CPLANE1: variants seen among roughly 807,000 people sequenced by gnomAD.
The protein encoded by CPLANE1 is ciliogenesis and planar polarity effector complex subunit 1.
A neutral mutation model predicts 362.5 loss-of-function variants in CPLANE1; 263 were observed. The ratio of observed to expected loss-of-function variants is 0.73; its 90% CI spans 0.66 to 0.80. The LOEUF (loss-of-function observed/expected upper bound fraction) is 0.80, where lower values mean the gene tolerates loss of function less well. CPLANE1 is among the 30% of genes least tolerant of loss of function. The pLI, the probability that CPLANE1 is intolerant of heterozygous loss-of-function variation, is 0.00. For synonymous variants in CPLANE1, 1,212 were observed against 1,302.6 expected, an observed-to-expected ratio of 0.93 and a Z score of 1.50; for missense variants, 3,461 against 3,793.4, an observed-to-expected ratio of 0.91 and a Z score of 2.30.
Position 37,239,736 on chromosome 5 carries a change from T to C in CPLANE1, c.811A>G (p.Thr271Ala), listed in dbSNP as rs1227513348. ...ACCTTGGGGTCTTTCTGATTAAGAG[T>C]TACTGCCAGGGTAAGGCCATCTCTT... ...FSRDGLTLAV[T>A]LNQKDPKATQ... Residue 271 changes from threonine (T) to alanine (A), a missense_variant, in exon 7 of 53, where the codon ACT becomes GCT. By Grantham distance (58) the Thr-to-Ala change is moderately conservative. Coordinates refer to ENST00000651892, the MANE Select transcript of CPLANE1 (RefSeq NM_001384732.1). 6.5e-7 allele frequency: 1 copy of C among 1,533,716 alleles called. No individual in the cohort carries two copies.
rs560421140 is a variant in CPLANE1 at position 37,118,400 on chromosome 5, C to CAA, written c.9310+1814_9310+1815dup. Among the ~76,000 whole-genome samples, 227 of 89,198 alleles carry CAA rather than the reference C, an allele frequency of 2.5e-3. 1 individual carries two copies. The highest frequency in any genetic ancestry group is 0.018 in the Middle Eastern group (3 of 164). The allele number at this position is 89,198 out of a possible 152,430, so 58.5% of individuals were successfully genotyped here. ...CCAGACTGGGCAACACACTGTGTCT[C>CAA]AAAAAAAAAAAAAAAAAGGCCAAGA... On this transcript the variant is annotated intron_variant, in intron 50 of 52. Coordinates refer to ENST00000651892, the MANE Select transcript of CPLANE1 (RefSeq NM_001384732.1).
At chr5:37,142,606 AT>A in intron 43 of CPLANE1, 126 bp from the exon 44 acceptor site, 1 of 569,646 alleles carries the variant, frequency 1.8e-6, no homozygotes, top group Non-Finnish European at 3.0e-6. Flanking sequence ...TATTATGCTA[AT>A]AGCTTTCTAC....
At chr5:37,146,754 T>C (rs1771739353) in intron 43 of CPLANE1, among the ~76,000 whole-genome samples, 1 of 152,180 alleles carries the variant, frequency 6.6e-6, no homozygotes, top group Admixed American at 6.5e-5. Context: ...AAGTTTGTTG[T>C]TGAGTATATG....
At chr5:37,213,785 T>C (rs1303293144) in intron 15 of CPLANE1, 53 bp from the exon 16 acceptor site, 1 of 1,321,932 alleles carries the variant, frequency 7.6e-7, no homozygotes, top group Non-Finnish European at 9.9e-7. Flanking sequence ...CCAAAAGTAA[T>C]AATATTTAAG....
chr5:37,085,274 C>T, the CPLANE1 span: 1 of 903,568 alleles, frequency 1.1e-6, no homozygotes. Flanking sequence ...AGGTTGATGG[C>T]AAGGTACGAA....
intron 6 of CPLANE1, among the ~76,000 whole-genome samples, chr5:37,241,361 AG>A (rs1311585453): frequency 1.3e-5 from 2 of 152,150 alleles, no homozygotes; most frequent in African/African-American, 4.8e-5. Flanking sequence ...AGGCTGAGAC[AG>A]GAGAATCGCT....
chr5:37,080,707 C>T, the CPLANE1 span, among the ~76,000 whole-genome samples: 1 of 152,164 alleles, frequency 6.6e-6, no homozygotes, highest in Non-Finnish European at 1.5e-5. Flanking sequence ...GCTGGAGTCC[C>T]AGCCCAGCTA....
rs1310955804 is a variant in CPLANE1, at chr5:37,164,187, T to C, written c.7588+86A>G. The C allele has an allele frequency of 5.9e-6, 6 of 1,012,588 alleles. 1 individual carries two copies. The highest frequency in any genetic ancestry group is 9.2e-6 in the Non-Finnish European group (6 of 649,026). The allele number at this position is 1,012,588 out of a possible 1,614,324, so 62.7% of individuals were successfully genotyped here. ...GTAGTCAGCTGGGCAGAAATGTAGG[T>C]AGCCTCATTTTCATATTGTACATAT... On this transcript the variant is annotated intron_variant, in intron 37 of 52. Coordinates refer to ENST00000651892, the MANE Select transcript of CPLANE1 (RefSeq NM_001384732.1).
chr5:37,176,834 C>CT (rs1227085271), intron 30 of CPLANE1, among the ~76,000 whole-genome samples: 1 of 151,318 alleles, frequency 6.6e-6, no homozygotes, highest in African/African-American at 2.4e-5. Flanking sequence ...TCTCGGCTCA[C>CT]TGCAAGCTCC....
intron 5 of CPLANE1, 119 bp downstream of exon 5, chr5:37,244,255 CT>C (rs1401278042): frequency 3.3e-6 from 2 of 601,944 alleles, no homozygotes; most frequent in Non-Finnish European, 5.3e-6. Flanking sequence ...ATAAAAATAT[CT>C]TTTCCATACA....
At chr5:37,239,618 A>G in intron 7 of CPLANE1, 95 bp downstream of exon 7, 2 of 837,822 alleles carry the variant, frequency 2.4e-6, no homozygotes, top group Non-Finnish European at 3.3e-6. Flanking sequence ...GAAAAAAAAA[A>G]TGGATATAAA....
chr5:37,249,084 G>A (rs1740846425), intron 1 of CPLANE1, among the ~76,000 whole-genome samples, 161 bp downstream of exon 1: 1 of 152,228 alleles, frequency 6.6e-6, no homozygotes, highest in Admixed American at 6.5e-5. Flanking sequence ...ACTGGGTAGT[G>A]GGGATGTACC....
At chr5:37,121,544 C>T (rs1304766719) in intron 49 of CPLANE1, 73 bp downstream of exon 49, 1 of 1,398,702 alleles carries the variant, frequency 7.1e-7, no homozygotes, top group East Asian at 2.3e-5. Flanking sequence ...GAACTTAGGT[C>T]ACGAAAGTGC....
intron 32 of CPLANE1, among the ~76,000 whole-genome samples, chr5:37,172,811 C>T (rs1269240283): frequency 6.6e-6 from 1 of 152,132 alleles, no homozygotes; most frequent in African/African-American, 2.4e-5. Context: ...CATGGCGAAA[C>T]TCCATCTTTA....
At position 37,245,507 on chromosome 5, in the gene CPLANE1, C is replaced by T; in HGVS notation, c.309G>A (p.Lys103=). 2.0e-6 allele frequency: 3 copies of T among 1,502,726 alleles called. No individual in the cohort carries two copies. The highest frequency in any genetic ancestry group is 2.8e-5 in the African/African-American group (2 of 71,444). The allele number at this position is 1,502,726 out of a possible 1,614,324, so 93.1% of individuals were successfully genotyped here. A position where few individuals can be genotyped will look rare whatever the true frequency, so the allele number is the denominator to read the frequency against. The change falls in exon 4 of 53, where the codon AAG becomes AAA. Residue 103 remains lysine, a synonymous_variant. Transcript: ENST00000651892. ...CTGTAGCTTTGATCATTTCCTTAGG[C>T]TTTTCAGTTATTGGTATAGTTTTCA... ...DCLKTIPITE[K]PKEMIKATVA...
chr5:37,165,586 T>C lies in CPLANE1; in HGVS notation c.7486A>G (p.Asn2496Asp), dbSNP rs772150231. ...GAATCATCATTATTAATTATGGAAT[T>C]CTCTGGTCGAAAAGTCACATTTGGT... Reference protein sequence around the residue: ...RKPNVTFRPENSIINNDDSEI... With the variant: ...RKPNVTFRPEDSIINNDDSEI... Residue 2496 changes from asparagine (N) to aspartate (D), a missense_variant, in exon 36 of 53, where the codon AAT (asparagine) becomes GAT (aspartate). Asn to Asp is a conservative substitution (Grantham distance 23). Transcript: ENST00000651892. 6.2e-7 allele frequency: 1 copy of C among 1,610,262 alleles called. No individual in the cohort carries two copies. The highest frequency in any genetic ancestry group is 1.1e-5 in the South Asian group (1 of 89,716).
At chr5:37,086,498 C>G in the CPLANE1 span, among the ~76,000 whole-genome samples, 3 of 152,184 alleles carry the variant, frequency 2.0e-5, no homozygotes, top group Non-Finnish European at 2.9e-5. Flanking sequence ...CTGAAGGCAG[C>G]CTAATCCTCT....
At chr5:37,112,046 G>A (rs576215324) in intron 51 of CPLANE1, among the ~76,000 whole-genome samples, 3 of 152,264 alleles carry the variant, frequency 2.0e-5, no homozygotes, top group South Asian at 2.1e-4. Context: ...AAGTATTCAC[G>A]ATATGACTAG....
At chr5:37,127,675 C>T (rs1220415702) in intron 46 of CPLANE1, among the ~76,000 whole-genome samples, 4 of 151,738 alleles carry the variant, frequency 2.6e-5, no homozygotes, top group East Asian at 1.9e-4. Context: ...TGCACCACCA[C>T]GCCCGGCTTT....
Sources: gnomAD v4.1 joint callset for allele counts (sites outside exome capture counted in the v4.1 genomes callset) on GRCh38, gnomAD v4.1.1 for gene constraint, MANE v1.5 for transcripts, NCBI Gene and HGNC (gene_info 2026-07-23, HGNC 2026-07-21) for gene names.